SMYD3: variants seen among roughly 807,000 people sequenced by gnomAD.
SMYD3 encodes SET and MYND domain containing 3.
A neutral mutation model predicts 57.7 loss-of-function variants in SMYD3; 36 were observed. That is an observed-to-expected ratio of 0.62 (90% CI 0.48 to 0.82). The LOEUF (loss-of-function observed/expected upper bound fraction) is 0.82, where lower values mean the gene tolerates loss of function less well. Ranked by LOEUF, SMYD3 falls within the 40% of genes least tolerant of loss-of-function variation. The probability of loss-of-function intolerance (pLI) is 0.00; values close to 1 mark genes in which losing one functional copy is unlikely to be tolerated. For synonymous variants in SMYD3, 211 were observed against 195.0 expected (o/e 1.08, Z -0.68); for missense variants, 515 against 538.8 (o/e 0.96, Z 0.44).
intron 5 of SMYD3, among the ~76,000 whole-genome samples, chr1:246,317,172 A>C (rs967453072): frequency 6.6e-6 from 1 of 152,220 alleles, no homozygotes; most frequent in Non-Finnish European, 1.5e-5. Flanking sequence ...TTTTTAAATT[A>C]TTGAATTAAA....
At chr1:246,400,898 T>C (rs911419979) in intron 1 of SMYD3, among the ~76,000 whole-genome samples, 9 of 152,152 alleles carry the variant, frequency 5.9e-5, no homozygotes, top group Admixed American at 1.3e-4. Flanking sequence ...AAAAACAGAT[T>C]CATGTGGAAA....
intron 5 of SMYD3, among the ~76,000 whole-genome samples, chr1:246,095,978 C>G (rs986669753): frequency 6.6e-6 from 1 of 152,180 alleles, no homozygotes. Flanking sequence ...CTTGAAATAT[C>G]CATACAAAGA....
chr1:246,116,967 G>A (rs1233797547), intron 5 of SMYD3, among the ~76,000 whole-genome samples: 1 of 152,038 alleles, frequency 6.6e-6, no homozygotes, highest in Non-Finnish European at 1.5e-5. Flanking sequence ...GAAATGAAAT[G>A]GTTTTCCTTA....
chr1:246,480,688 C>A (rs1278567760), intron 1 of SMYD3, among the ~76,000 whole-genome samples: 1 of 152,152 alleles, frequency 6.6e-6, no homozygotes, highest in Non-Finnish European at 1.5e-5. Flanking sequence ...CCATAGAAAA[C>A]ATAGTAATCA....
intron 5 of SMYD3, among the ~76,000 whole-genome samples, chr1:245,932,871 A>G (rs1357318205): frequency 1.3e-5 from 2 of 152,198 alleles, no homozygotes; most frequent in Non-Finnish European, 2.9e-5. Context: ...TTTCATCTAT[A>G]TTAGTCTGAG....
At chr1:246,405,921 AAAAAG>A (rs1176168168) in intron 1 of SMYD3, among the ~76,000 whole-genome samples, 4 of 151,148 alleles carry the variant, frequency 2.6e-5, no homozygotes, top group Non-Finnish European at 3.0e-5. Context: ...AAAAAAAAAA[AAAAAG>A]AAAGAAAGAA....
At chr1:246,019,808 A>G (rs937696392) in intron 5 of SMYD3, among the ~76,000 whole-genome samples, 5 of 152,200 alleles carry the variant, frequency 3.3e-5, no homozygotes, top group Non-Finnish European at 5.9e-5. Flanking sequence ...TATATAAAAT[A>G]CATAGTTTTA....
At chr1:246,362,925 C>T (rs2066022109) in intron 1 of SMYD3, among the ~76,000 whole-genome samples, 2 of 150,982 alleles carry the variant, frequency 1.3e-5, no homozygotes, top group East Asian at 2.0e-4. Context: ...GGCCGCCCAT[C>T]GTCTGGGATG....
rs573195785 is a variant in SMYD3, at chr1:246,165,360, G to A, written c.531+161841C>T. The stretch of plus-strand genomic sequence containing the variant: ...ATTACTTCTTTTTTTCCCCTCCCTC[G>A]CTTTCTTCCTTCCTAAGAGGAAGAC... On this transcript the variant is annotated intron_variant, in intron 5 of 11. Coordinates refer to ENST00000490107, the MANE Select transcript of SMYD3 (RefSeq NM_001167740.2). Among the ~76,000 whole-genome samples, 17 of 152,080 alleles carry A rather than the reference G, an allele frequency of 1.1e-4. No individual in the cohort carries two copies. In the South Asian group the frequency reaches 3.3e-3, roughly 30 times the overall value.
At chr1:245,906,119 C>A (rs2054546750) in intron 8 of SMYD3, among the ~76,000 whole-genome samples, 1 of 152,166 alleles carries the variant, frequency 6.6e-6, no homozygotes, top group Admixed American at 6.5e-5. Context: ...TAAACACAGG[C>A]AACCAAAGAA....
intron 8 of SMYD3, among the ~76,000 whole-genome samples, chr1:245,902,640 T>C (rs1011071344): frequency 1.3e-5 from 2 of 152,180 alleles, no homozygotes; most frequent in Non-Finnish European, 2.9e-5. Flanking sequence ...ACAAGGGGCC[T>C]AAGAACCAGC....
chr1:246,481,661 T>C (rs1434839662), intron 1 of SMYD3, among the ~76,000 whole-genome samples: 1 of 131,200 alleles, frequency 7.6e-6, no homozygotes, highest in Non-Finnish European at 1.6e-5. Flanking sequence ...ATCATATATA[T>C]AATTATATAT....
intron 11 of SMYD3, among the ~76,000 whole-genome samples, chr1:245,759,612 G>A (rs1174437429): frequency 7.2e-5 from 11 of 152,198 alleles, no homozygotes; most frequent in African/African-American, 1.7e-4. Flanking sequence ...TGAAAATCAG[G>A]GCAGCCGATG....
chr1:246,367,936 G>A (rs1282811660), intron 1 of SMYD3, among the ~76,000 whole-genome samples: 1 of 152,228 alleles, frequency 6.6e-6, no homozygotes, highest in East Asian at 1.9e-4. Context: ...CCTATCACTT[G>A]TTCATACAAA....
intron 3 of SMYD3, 116 bp downstream of exon 3, chr1:246,335,251 C>T: frequency 1.1e-6 from 1 of 898,384 alleles, no homozygotes; most frequent in South Asian, 1.7e-5. Context: ...GCAATATTTG[C>T]TTTATTGTGG....
At chr1:246,282,301 TCTA>T (rs1407647494) in intron 5 of SMYD3, among the ~76,000 whole-genome samples, 2 of 54,976 alleles carry the variant, frequency 3.6e-5, no homozygotes, top group African/African-American at 6.8e-5. Flanking sequence ...GACCCTCATC[TCTA>T]CAAAAAAAAA....
At chr1:246,133,425 A>G (rs183294336) in intron 5 of SMYD3, among the ~76,000 whole-genome samples, 251 of 152,266 alleles carry the variant, frequency 1.6e-3, no homozygotes, top group African/African-American at 5.6e-3. Context: ...GAAAAACCTG[A>G]AAAAGTAAAT....
intron 1 of SMYD3, among the ~76,000 whole-genome samples, chr1:246,462,234 C>T (rs942519411): frequency 1.3e-4 from 8 of 62,418 alleles, no homozygotes; most frequent in African/African-American, 3.2e-4. Flanking sequence ...TGCATCCTCC[C>T]GCGGGGCCTG....
At chr1:246,151,821 C>T (rs1206529284) in intron 5 of SMYD3, among the ~76,000 whole-genome samples, 1 of 152,204 alleles carries the variant, frequency 6.6e-6, no homozygotes, top group East Asian at 1.9e-4. Flanking sequence ...TGGCATTCTA[C>T]TAGGCCTGCT....
Sources: allele counts gnomAD v4.1 joint callset (sites outside exome capture counted in the v4.1 genomes callset), GRCh38; gene constraint gnomAD v4.1.1; transcripts MANE v1.5; gene names NCBI Gene and HGNC (gene_info 2026-07-23, HGNC 2026-07-21).